The following LMO7 variants were observed in gnomAD, a reference collection of about 807,000 sequenced individuals.
LMO7 encodes the protein LIM domain only protein 7.
A neutral mutation model predicts 206.5 loss-of-function variants in LMO7; 120 were observed. The ratio of observed to expected loss-of-function variants is 0.58; its 90% CI spans 0.50 to 0.68. The LOEUF is 0.68. LMO7 is among the 30% of genes least tolerant of loss of function. The probability of loss-of-function intolerance (pLI) is 0.00; values close to 1 mark genes in which losing one functional copy is unlikely to be tolerated. For synonymous variants in LMO7, 706 were observed against 681.5 expected, an observed-to-expected ratio of 1.04 and a Z score of -0.56; for missense variants, 1,959 against 1,957.9, an observed-to-expected ratio of 1.00 and a Z score of -0.01.
At chr13:75,702,321 C>G (rs892811499) in intron 1 of LMO7, among the ~76,000 whole-genome samples, 1 of 152,066 alleles carries the variant, frequency 6.6e-6, no homozygotes, top group African/African-American at 2.4e-5. Context: ...GTGTAACTGA[C>G]CCCAGCCACT....
intron 3 of LMO7, among the ~76,000 whole-genome samples, chr13:75,732,138 G>A (rs549500692): frequency 8.5e-4 from 129 of 152,028 alleles, no homozygotes; most frequent in African/African-American, 2.9e-3. Context: ...TCTCTGTGGC[G>A]TCCTCTGTAT....
At chr13:75,765,974 A>G (rs2048817633) in intron 4 of LMO7, among the ~76,000 whole-genome samples, 1 of 152,074 alleles carries the variant, frequency 6.6e-6, no homozygotes, top group Non-Finnish European at 1.5e-5. Flanking sequence ...ATCCTATCTT[A>G]TGTTCATTAC....
At chr13:75,789,678 T>A (rs1025669075) in intron 4 of LMO7, among the ~76,000 whole-genome samples, 2 of 152,166 alleles carry the variant, frequency 1.3e-5, no homozygotes, top group Non-Finnish European at 2.9e-5. Context: ...GCAGACTCCT[T>A]AGAGCATAGT....
At chr13:75,762,312 C>T (rs911681969) in intron 4 of LMO7, among the ~76,000 whole-genome samples, 1 of 152,074 alleles carries the variant, frequency 6.6e-6, no homozygotes, top group African/African-American at 2.4e-5. Flanking sequence ...GTCATGTTTA[C>T]TTTCCATAAA....
At chr13:75,774,347 T>C (rs191817586) in intron 4 of LMO7, among the ~76,000 whole-genome samples, 15 of 152,234 alleles carry the variant, frequency 9.9e-5, no homozygotes, top group Non-Finnish European at 1.5e-4. Flanking sequence ...TTGCCTACTT[T>C]TTTGAAATTG....
At chr13:75,761,669 A>G (rs1391786131) in intron 4 of LMO7, among the ~76,000 whole-genome samples, 1 of 152,086 alleles carries the variant, frequency 6.6e-6, no homozygotes, top group Non-Finnish European at 1.5e-5. Context: ...GTGGGAGTAT[A>G]CAGTTTCAGG....
At chr13:75,784,015 T>C (rs2051988637) in intron 4 of LMO7, among the ~76,000 whole-genome samples, 1 of 152,090 alleles carries the variant, frequency 6.6e-6, no homozygotes, top group Non-Finnish European at 1.5e-5. Context: ...TTCTCAACCA[T>C]GGGAAATTTT....
chr13:75,703,098 G>T (rs1364798377), intron 1 of LMO7, among the ~76,000 whole-genome samples: 1 of 152,148 alleles, frequency 6.6e-6, no homozygotes, highest in Non-Finnish European at 1.5e-5. Context: ...CTTTAATAAA[G>T]TGATGTCAAG....
At chr13:75,808,910 G>A (rs973549115) in intron 10 of LMO7, among the ~76,000 whole-genome samples, 2 of 152,144 alleles carry the variant, frequency 1.3e-5, no homozygotes, top group African/African-American at 4.8e-5. Flanking sequence ...ACAATGGGAA[G>A]CCTTTTCATA....
In LMO7 at chr13:75,841,670, C is replaced by A; in HGVS notation, c.3718C>A (p.Arg1240=). The A allele has an allele frequency of 1.9e-6, 3 of 1,614,022 alleles. 1 individual carries two copies. Among genetic ancestry groups the A allele is most frequent in the South Asian group, 2.2e-5 (2 of 91,062 alleles). The part of the protein sequence containing the change: ...LSSNSMSLTT[R]EPSLATWEAT... Reference sequence around the variant, plus strand: ...CTCAAACAGCATGTCTCTGACCACACGGGAGCCCTCTCTTGCCACCTGGGA... The same window carrying A: ...CTCAAACAGCATGTCTCTGACCACAAGGGAGCCCTCTCTTGCCACCTGGGA... Residue 1240 remains arginine, a synonymous_variant, in exon 24 of 31, where the codon CGG becomes AGG. Coordinates refer to ENST00000377534, the MANE Select transcript of LMO7 (RefSeq NM_001306080.2).
intron 2 of LMO7, among the ~76,000 whole-genome samples, chr13:75,626,117 T>A (rs1216467384): frequency 2.6e-5 from 4 of 152,196 alleles, no homozygotes; most frequent in Non-Finnish European, 4.4e-5. Context: ...GTCTCTTATC[T>A]CCAGGCCAGT....
intron 11 of LMO7, chr13:75,816,651 G>T (rs1468229830): frequency 8.8e-6 from 1 of 114,218 alleles, no homozygotes. Context: ...GTGGTAGGGC[G>T]GATCTTATAG....
intron 2 of LMO7, among the ~76,000 whole-genome samples, chr13:75,630,087 T>A (rs1055606458): frequency 1.3e-5 from 2 of 152,214 alleles, no homozygotes; most frequent in African/African-American, 4.8e-5. Flanking sequence ...CCATATACTT[T>A]AAATCATCTT....
At chr13:75,655,206 G>A (rs1181841456) in intron 1 of LMO7, among the ~76,000 whole-genome samples, 1 of 152,136 alleles carries the variant, frequency 6.6e-6, no homozygotes, top group Non-Finnish European at 1.5e-5. Context: ...ATATCTGCAA[G>A]TTTCTATCAT....
chr13:75,843,462 G>A (rs531288113), intron 25 of LMO7, among the ~76,000 whole-genome samples: 4 of 152,116 alleles, frequency 2.6e-5, no homozygotes, highest in African/African-American at 4.8e-5. Flanking sequence ...GGACACGGCC[G>A]GGAAAGAACT....
intron 1 of LMO7, among the ~76,000 whole-genome samples, chr13:75,692,667 T>G (rs1253281932): frequency 3.3e-5 from 5 of 152,232 alleles, no homozygotes; most frequent in Non-Finnish European, 7.3e-5. Context: ...CCTGCATGCA[T>G]GCTTGCTACT....
intron 19 of LMO7, 124 bp from the exon 20 acceptor site, chr13:75,838,016 A>C (rs2059265233): frequency 3.2e-6 from 2 of 616,664 alleles, no homozygotes; most frequent in East Asian, 5.7e-5. Context: ...TTCTATGGCT[A>C]TCAGTTTTGT....
upstream of LMO7, among the ~76,000 whole-genome samples, chr13:75,633,841 C>CTTTTTTT (rs60769000): frequency 1.5e-5 from 1 of 64,672 alleles, no homozygotes. Flanking sequence ...GTGTCTTTTC[C>CTTTTTTT]TTTTTTTTTT....
At chr13:75,717,085 C>T (rs544816691) in intron 2 of LMO7, among the ~76,000 whole-genome samples, 1 of 151,798 alleles carries the variant, frequency 6.6e-6, no homozygotes, top group Non-Finnish European at 1.5e-5. Flanking sequence ...TCTTCTCGGC[C>T]GGGCGCGGTG....
Sources: allele counts gnomAD v4.1 joint callset (sites outside exome capture counted in the v4.1 genomes callset), GRCh38; gene constraint gnomAD v4.1.1; transcripts MANE v1.5; gene names NCBI Gene and HGNC (gene_info 2026-07-23, HGNC 2026-07-21).